Variants in AFF3 observed in about 807,000 individuals in gnomAD.
AFF3 encodes the protein ALF transcription elongation factor 3.
Under a neutral mutation model 129.7 loss-of-function variants are expected in AFF3, and 32 were observed. The ratio of observed to expected loss-of-function variants is 0.25; its 90% CI spans 0.19 to 0.33. The LOEUF is 0.33. AFF3 is among the 10% of genes least tolerant of loss of function. The pLI is 1.00. For missense variants in AFF3, 1,373 were observed against 1,592.0 expected, an observed-to-expected ratio of 0.86 and a Z score of 2.34; for synonymous variants, 644 against 635.4, an observed-to-expected ratio of 1.01 and a Z score of -0.20.
chr2:99,842,958 T>C (rs1010379795), intron 7 of AFF3, among the ~76,000 whole-genome samples: 8 of 152,212 alleles, frequency 5.3e-5, no homozygotes. Context: ...CATTCTAAAA[T>C]ACTACTACTT....
chr2:99,897,151 A>C lies in AFF3; in HGVS notation c.874-59627T>G, dbSNP rs537535305. 2.6e-5 allele frequency among the ~76,000 whole-genome samples: 4 copies of C among 152,306 alleles called. No individual in the cohort carries two copies. In the South Asian group the frequency reaches 8.3e-4, roughly 32 times the overall value. ...TGAAATAGATATTTACTACAAAATAAATGAAAGGTGAATTCAACTAATTTA... is the reference window on the plus strand; with the variant it reads ...TGAAATAGATATTTACTACAAAATACATGAAAGGTGAATTCAACTAATTTA... On this transcript the variant is annotated intron_variant, in intron 7 of 24. Transcript: ENST00000672756.
chr2:99,553,918 C>CAAAAAAAAAAAA (rs61326965), intron 24 of AFF3, among the ~76,000 whole-genome samples: 141 of 56,140 alleles, frequency 2.5e-3, no homozygotes, highest in East Asian at 7.0e-3. Flanking sequence ...TGTCTCAAAC[C>CAAAAAAAAAAAA]AAAAAAAAAA....
intron 9 of AFF3, among the ~76,000 whole-genome samples, chr2:99,749,271 A>G (rs1250245469): frequency 6.6e-6 from 1 of 152,188 alleles, no homozygotes; most frequent in Non-Finnish European, 1.5e-5. Flanking sequence ...AATACATACA[A>G]TTTTTGTCAA....
At chr2:99,914,783 G>A (rs903972726) in intron 7 of AFF3, among the ~76,000 whole-genome samples, 8 of 151,976 alleles carry the variant, frequency 5.3e-5, no homozygotes, top group Admixed American at 2.6e-4. Flanking sequence ...AGCTGGGCAT[G>A]GTGGCACACG....
rs557221277 is a variant in AFF3, at chr2:100,021,887, T to C, written c.54-12955A>G. On this transcript the variant is annotated intron_variant, in intron 4 of 24. Coordinates refer to ENST00000672756, the MANE Select transcript of AFF3 (RefSeq NM_001386135.1). Reference sequence around the variant, plus strand: ...AATTTAAGTTCTAAAAAGTTTATGCTTTTCAATTTAAAAAATATTATTTAA... The same window carrying C: ...AATTTAAGTTCTAAAAAGTTTATGCCTTTCAATTTAAAAAATATTATTTAA... Among the ~76,000 whole-genome samples the C allele has an allele frequency of 1.5e-4, 23 of 152,304 alleles. 1 individual carries two copies. In the South Asian group the frequency reaches 4.6e-3, roughly 30 times the overall value.
intron 7 of AFF3, among the ~76,000 whole-genome samples, chr2:99,901,082 G>T (rs1350393758): frequency 6.6e-6 from 1 of 152,240 alleles, no homozygotes; most frequent in Non-Finnish European, 1.5e-5. Context: ...ATGCATGTGT[G>T]TGCATGCATG....
intron 10 of AFF3, among the ~76,000 whole-genome samples, chr2:99,728,036 T>C (rs1229120088): frequency 6.6e-6 from 1 of 152,206 alleles, no homozygotes; most frequent in East Asian, 1.9e-4. Context: ...AAGGAAATGC[T>C]TCTGTGGGCT....
At chr2:99,599,476 C>G (rs1056513680) in intron 14 of AFF3, among the ~76,000 whole-genome samples, 9 of 152,168 alleles carry the variant, frequency 5.9e-5, no homozygotes, top group Admixed American at 2.6e-4. Flanking sequence ...TCAGGCTGGT[C>G]TTGAACTCCT....
At chr2:100,055,377 G>A (rs1411436523) in intron 4 of AFF3, among the ~76,000 whole-genome samples, 2 of 150,098 alleles carry the variant, frequency 1.3e-5, no homozygotes, top group Admixed American at 6.7e-5. Flanking sequence ...TGGCACACAC[G>A]CCCTTGCTGC....
chr2:99,617,356 C>A (rs567263284), intron 13 of AFF3, among the ~76,000 whole-genome samples: 1 of 152,116 alleles, frequency 6.6e-6, no homozygotes, highest in Non-Finnish European at 1.5e-5. Context: ...TCATAGTGGG[C>A]GTGAAGTGGT....
chr2:99,969,428 A>G (rs1490209742), intron 7 of AFF3, among the ~76,000 whole-genome samples: 1 of 152,202 alleles, frequency 6.6e-6, no homozygotes, highest in Non-Finnish European at 1.5e-5. Context: ...TAACCTGAAA[A>G]TCTGCACCAT....
At chr2:99,566,408 C>T (rs1044682199) in intron 19 of AFF3, among the ~76,000 whole-genome samples, 5 of 152,188 alleles carry the variant, frequency 3.3e-5, no homozygotes, top group African/African-American at 9.6e-5. Context: ...TTTGGTTGGG[C>T]CTGGCGGCTC....
rs76193048 is a variant in AFF3 at position 100,009,339 on chromosome 2, T to C, written c.54-407A>G. On this transcript the variant is annotated intron_variant, in intron 4 of 24. Coordinates refer to ENST00000672756, the MANE Select transcript of AFF3 (RefSeq NM_001386135.1). ...AATGCTCCTGTTCTTTTTTTTTTTT[T>C]CCTTTTTGCATGGCTGTGTTTCTGC... is the stretch of plus-strand genomic sequence containing the variant. Among the ~76,000 whole-genome samples the C allele has an allele frequency of 1.2e-3, 184 of 151,716 alleles. 1 individual carries two copies. The highest frequency in any genetic ancestry group is 0.011 in the Admixed American group (175 of 15,290).
intron 20 of AFF3, among the ~76,000 whole-genome samples, chr2:99,563,693 C>T (rs545382948): frequency 1.9e-4 from 28 of 150,288 alleles, no homozygotes; most frequent in Non-Finnish European, 2.2e-4. Context: ...GCCTGTAATC[C>T]GAGCTACTGG....
At position 99,664,277 on chromosome 2, in the gene AFF3, C is replaced by G. The variant is rs183367807; in HGVS notation, c.1143+8261G>C. On this transcript the variant is annotated intron_variant, in intron 12 of 24. Transcript: ENST00000672756. ...TCCAGTGTGAAAATCATAGGTGCAACCATAAGGCTATGCTTCCATTTCATT... is the reference window on the plus strand; with the variant it reads ...TCCAGTGTGAAAATCATAGGTGCAAGCATAAGGCTATGCTTCCATTTCATT... Among the ~76,000 whole-genome samples, 9 of 152,296 alleles carry G rather than the reference C, an allele frequency of 5.9e-5. No homozygotes were observed. The East Asian group carries it at 1.7e-3, about 29-fold the overall frequency.
intron 2 of AFF3, chr2:100,109,907 T>G (rs560285489): frequency 6.6e-6 from 1 of 152,328 alleles, no homozygotes; most frequent in South Asian, 2.1e-4. Context: ...CTTAATTATC[T>G]ATAGCATTGG....
chr2:99,640,897 G>A (rs61173769), intron 13 of AFF3, among the ~76,000 whole-genome samples: 9,441 of 152,234 alleles, frequency 0.062, 985 homozygotes, highest in African/African-American at 0.21. Flanking sequence ...TAAGGTTTCC[G>A]TAGAAGATGA....
intron 3 of AFF3, chr2:100,104,931 C>T: frequency 6.1e-6 from 1 of 164,374 alleles, no homozygotes; most frequent in Non-Finnish European, 1.2e-5. Flanking sequence ...GCCCGCCCCG[C>T]GCGCCCCTGT....
chr2:99,907,173 C>G (rs114778901), intron 7 of AFF3, among the ~76,000 whole-genome samples: 1 of 152,090 alleles, frequency 6.6e-6, no homozygotes. Context: ...TTTATCCTAA[C>G]GGAGGTGGAA....
Sources: allele counts gnomAD v4.1 joint callset (sites outside exome capture counted in the v4.1 genomes callset), GRCh38; gene constraint gnomAD v4.1.1; transcripts MANE v1.5; gene names NCBI Gene and HGNC (gene_info 2026-07-23, HGNC 2026-07-21).